The following TNIP1 variants were observed in gnomAD, a reference collection of about 807,000 sequenced individuals.
The protein encoded by TNIP1 is TNFAIP3 interacting protein 1.
TNIP1 carries 22 observed loss-of-function variants against 86.6 expected under a neutral mutation model. The ratio of observed to expected loss-of-function variants is 0.25; its 90% confidence interval spans 0.18 to 0.36. The LOEUF is 0.36. Among genes scored for constraint, TNIP1 ranks in the 10% least tolerant of loss-of-function variants. TNIP1 has a pLI of 1.00. For missense variants in TNIP1, 709 were observed against 820.6 expected (o/e 0.86, Z 1.66); for synonymous variants, 294 against 313.0 (o/e 0.94, Z 0.64).
chr5:151,051,122 A>G (rs1288846774), intron 7 of TNIP1, among the ~76,000 whole-genome samples: 1 of 152,226 alleles, frequency 6.6e-6, no homozygotes, highest in African/African-American at 2.4e-5. Context: ...TTCTGAATCC[A>G]TGGATGGGGT....
At chr5:151,036,660 G>A in intron 13 of TNIP1, 130 bp downstream of exon 13, 4 of 1,350,766 alleles carry the variant, frequency 3.0e-6, no homozygotes, top group South Asian at 2.7e-5. Context: ...GCCAGTGGGG[G>A]GCCCTGGCCA....
At chr5:151,074,959 G>GCC (rs1428716328) in intron 1 of TNIP1, among the ~76,000 whole-genome samples, 1 of 152,182 alleles carries the variant, frequency 6.6e-6, no homozygotes, top group Non-Finnish European at 1.5e-5. Flanking sequence ...TGTATTGTTT[G>GCC]CAGAGATGGG....
At chr5:151,066,142 A>G (rs1762195498) in intron 1 of TNIP1, among the ~76,000 whole-genome samples, 1 of 152,222 alleles carries the variant, frequency 6.6e-6, no homozygotes, top group East Asian at 1.9e-4. Flanking sequence ...GCAGAGGAGG[A>G]TGGTGGGGAA....
chr5:151,040,430 T>C (rs1371164927), intron 11 of TNIP1, among the ~76,000 whole-genome samples: 1 of 152,194 alleles, frequency 6.6e-6, no homozygotes, highest in Non-Finnish European at 1.5e-5. Context: ...CAGACCTCCC[T>C]GGGAATTGTT....
At chr5:151,081,678 T>C (rs191324811), upstream of TNIP1, among the ~76,000 whole-genome samples, 272 of 152,344 alleles carry the variant, frequency 1.8e-3, 3 homozygotes, top group African/African-American at 5.2e-3. Flanking sequence ...AGGTGGGTTT[T>C]ACTACCTTTT....
chr5:151,072,143 C>T (rs1021608368), intron 1 of TNIP1, among the ~76,000 whole-genome samples: 4 of 152,178 alleles, frequency 2.6e-5, no homozygotes, highest in African/African-American at 9.7e-5. Context: ...AATAATGCAG[C>T]CTCAATCTGT....
chr5:151,039,583 C>T (rs571715475), intron 11 of TNIP1, among the ~76,000 whole-genome samples: 4 of 152,276 alleles, frequency 2.6e-5, no homozygotes, highest in African/African-American at 9.6e-5. Context: ...GTGAGTCACA[C>T]AGAGACCTCA....
intron 1 of TNIP1, among the ~76,000 whole-genome samples, chr5:151,076,330 C>T (rs1045931246): frequency 6.6e-6 from 1 of 152,144 alleles, no homozygotes. Flanking sequence ...GAGGGGCAGG[C>T]ACTGCAGGCA....
intron 16 of TNIP1, chr5:151,032,737 T>C (rs533907694): frequency 7.5e-5 from 21 of 278,552 alleles, no homozygotes; most frequent in South Asian, 7.5e-4. Flanking sequence ...TCTGTAATGG[T>C]CCAGGGGAGA....
chr5:151,057,465 C>T (rs759637510), intron 5 of TNIP1, among the ~76,000 whole-genome samples: 2 of 152,218 alleles, frequency 1.3e-5, no homozygotes, highest in Admixed American at 6.5e-5. Flanking sequence ...ATGGCTCACG[C>T]CTGTAATCCC....
chr5:151,042,526 G>GCAGT lies in TNIP1; in HGVS notation c.1134+10_1134+13dup. The stretch of plus-strand genomic sequence containing the variant: ...AGGGGAACTGACTCTGCAGGGACCA[G>GCAGT]CAGTCACACTTGCCTCCTCCATTTC... On this transcript the variant is annotated intron_variant, in intron 11 of 17. Coordinates refer to ENST00000521591, the MANE Select transcript of TNIP1 (RefSeq NM_006058.5). The GCAGT allele has an allele frequency of 6.2e-7, 1 of 1,610,884 alleles. No homozygotes were observed. Among genetic ancestry groups the GCAGT allele is most frequent in the African/African-American group, 1.3e-5 (1 of 75,028 alleles).
intron 11 of TNIP1, among the ~76,000 whole-genome samples, chr5:151,040,006 G>C (rs553479843): frequency 7.2e-5 from 11 of 152,340 alleles, no homozygotes; most frequent in African/African-American, 2.6e-4. Context: ...AATGTCCAGA[G>C]AGGGGAAGTG....
chr5:151,047,597 A>C (rs1759340651), intron 8 of TNIP1, among the ~76,000 whole-genome samples: 1 of 152,198 alleles, frequency 6.6e-6, no homozygotes. Context: ...GGGTTCTATA[A>C]GATGTTGCCG....
intron 1 of TNIP1, among the ~76,000 whole-genome samples, chr5:151,078,041 C>T (rs1359538012): frequency 1.3e-5 from 2 of 152,192 alleles, no homozygotes; most frequent in Non-Finnish European, 2.9e-5. Flanking sequence ...CATCTGGTGC[C>T]CCCAAATTAC....
At chr5:151,079,586 C>A (rs1763772796) in intron 1 of TNIP1, among the ~76,000 whole-genome samples, 2 of 150,968 alleles carry the variant, frequency 1.3e-5, no homozygotes, top group African/African-American at 2.4e-5. Context: ...CGTGCCACTG[C>A]ACTCCAGCCT....
chr5:151,067,489 C>T (rs532044936), intron 1 of TNIP1, among the ~76,000 whole-genome samples: 2 of 152,300 alleles, frequency 1.3e-5, no homozygotes, highest in South Asian at 2.1e-4. Flanking sequence ...AACAGTGAAA[C>T]AGAGGGCTAC....
chr5:151,060,778 A>G (rs192323774), intron 4 of TNIP1, among the ~76,000 whole-genome samples: 160 of 152,340 alleles, frequency 1.1e-3, no homozygotes, highest in African/African-American at 3.8e-3. Context: ...CTTTGGAAAG[A>G]TGAGGAAACT....
In TNIP1 at chr5:151,049,914, C is replaced by T. The variant is rs751387931; in HGVS notation, c.756G>A (p.Met252Ile). ...ACGCACCCTCTTTGTTGCCATTGCT[C>T]ATCAACAACTTCTTGAGCTCCAAAT... ...EENLELKKLL[M>I]SNGNKEGASG... Residue 252 changes from methionine to isoleucine, a missense_variant, in exon 8 of 18, where the codon ATG (methionine) becomes ATA (isoleucine). Met to Ile is a conservative substitution (Grantham distance 10). Coordinates refer to ENST00000521591, the MANE Select transcript of TNIP1 (RefSeq NM_006058.5). 2.2e-5 allele frequency: 35 copies of T among 1,614,192 alleles called. 2 individuals are homozygous for T. The South Asian group carries it at 3.8e-4, about 18-fold the overall frequency.
chr5:151,084,171 G>A (rs1764185821), upstream of TNIP1, among the ~76,000 whole-genome samples: 2 of 152,346 alleles, frequency 1.3e-5, no homozygotes, highest in South Asian at 4.1e-4. Flanking sequence ...GGCAGGGCAT[G>A]CCGTGGCTCA....
Sources: allele counts gnomAD v4.1 joint callset (sites outside exome capture counted in the v4.1 genomes callset), GRCh38; gene constraint gnomAD v4.1.1; transcripts MANE v1.5; gene names NCBI Gene and HGNC (gene_info 2026-07-23, HGNC 2026-07-21).